Variants in DDHD1 observed in about 807,000 individuals in gnomAD.
DDHD1 encodes phospholipase DDHD1.
In DDHD1, 49 loss-of-function variants were observed where a neutral mutation model predicts 96.4. That is an observed-to-expected ratio of 0.51 (90% CI 0.40 to 0.64). The LOEUF (loss-of-function observed/expected upper bound fraction) is 0.64, where lower values mean the gene tolerates loss of function less well. DDHD1 is among the 30% of genes least tolerant of loss of function. The pLI, the probability that DDHD1 is intolerant of heterozygous loss-of-function variation, is 0.00. For synonymous variants in DDHD1, 442 were observed against 446.5 expected, an observed-to-expected ratio of 0.99 and a Z score of 0.13; for missense variants, 1,106 against 1,161.2, an observed-to-expected ratio of 0.95 and a Z score of 0.69.
At chr14:53,059,379 GAACT>G (rs1883338802) in intron 8 of DDHD1, among the ~76,000 whole-genome samples, 1 of 151,880 alleles carries the variant, frequency 6.6e-6, no homozygotes, top group Admixed American at 6.6e-5. Context: ...TGAGTAGCTG[GAACT>G]ACAGGCGCCC....
At chr14:53,141,543 A>C (rs2139884141) in intron 1 of DDHD1, among the ~76,000 whole-genome samples, 1 of 152,376 alleles carries the variant, frequency 6.6e-6, no homozygotes, top group South Asian at 2.1e-4. Context: ...AGTAACTGTT[A>C]CACTCAATTA....
intron 2 of DDHD1, among the ~76,000 whole-genome samples, chr14:53,101,797 A>G (rs529656826): frequency 5.6e-4 from 86 of 152,236 alleles, no homozygotes; most frequent in African/African-American, 2.0e-3. Context: ...AGGAAGCAGA[A>G]GTAAAAAGTA....
intron 1 of DDHD1, among the ~76,000 whole-genome samples, chr14:53,109,145 G>A (rs1887918982): frequency 6.6e-6 from 1 of 151,896 alleles, no homozygotes; most frequent in Non-Finnish European, 1.5e-5. Context: ...CATTTCTCTA[G>A]AAGCCTCAAT....
At chr14:53,066,330 T>G (rs1177905485) in intron 6 of DDHD1, among the ~76,000 whole-genome samples, 1 of 152,108 alleles carries the variant, frequency 6.6e-6, no homozygotes, top group Non-Finnish European at 1.5e-5. Context: ...TTTTGAATTT[T>G]TAGTAGAGAC....
intron 2 of DDHD1, chr14:53,103,242 G>T: frequency 2.1e-6 from 1 of 465,430 alleles, no homozygotes; most frequent in East Asian, 3.6e-5. Context: ...ACTTGATATG[G>T]TTTTCAATAG....
At chr14:53,118,931 C>T (rs1254007860) in intron 1 of DDHD1, among the ~76,000 whole-genome samples, 1 of 152,170 alleles carries the variant, frequency 6.6e-6, no homozygotes, top group African/African-American at 2.4e-5. Context: ...AGGTTACCCA[C>T]AAAGGAAAGC....
At chr14:53,127,090 T>TA (rs1889507330) in intron 1 of DDHD1, among the ~76,000 whole-genome samples, 4 of 152,140 alleles carry the variant, frequency 2.6e-5, no homozygotes, top group Admixed American at 2.6e-4. Flanking sequence ...TATGTTTTTT[T>TA]AAAAAAGCAG....
intron 1 of DDHD1, among the ~76,000 whole-genome samples, chr14:53,137,617 AAAAAT>A (rs1011953670): frequency 2.6e-5 from 4 of 152,258 alleles, no homozygotes; most frequent in African/African-American, 9.6e-5. Flanking sequence ...AAATAAAAAT[AAAAAT>A]AAAAGAAAAT....
intron 1 of DDHD1, among the ~76,000 whole-genome samples, chr14:53,146,848 C>T (rs568369617): frequency 9.9e-5 from 15 of 151,722 alleles, no homozygotes; most frequent in Non-Finnish European, 1.5e-5. Flanking sequence ...TTTCCTTGTT[C>T]TACTTTTTAA....
intron 2 of DDHD1, chr14:53,096,022 TA>T (rs914274641): frequency 3.0e-5 from 18 of 590,558 alleles, no homozygotes; most frequent in South Asian, 7.4e-5. Flanking sequence ...TGGACACATT[TA>T]AAAAAAACTA....
intron 1 of DDHD1, among the ~76,000 whole-genome samples, chr14:53,119,842 A>G (rs1284301334): frequency 6.6e-6 from 1 of 152,236 alleles, no homozygotes; most frequent in African/African-American, 2.4e-5. Flanking sequence ...CCCATAGCCA[A>G]TATCACACTG....
At chr14:53,138,672 A>T (rs540423933) in intron 1 of DDHD1, among the ~76,000 whole-genome samples, 2 of 152,274 alleles carry the variant, frequency 1.3e-5, no homozygotes, top group East Asian at 3.9e-4. Flanking sequence ...TTGCTTACTT[A>T]GGGGGAAGAC....
At chr14:53,148,296 G>A (rs937120384) in intron 1 of DDHD1, among the ~76,000 whole-genome samples, 4 of 151,966 alleles carry the variant, frequency 2.6e-5, no homozygotes, top group Non-Finnish European at 5.9e-5. Context: ...ACACATCACT[G>A]CCATTGGAAT....
rs771800541 is a variant in DDHD1 at position 53,055,690 on chromosome 14, T to C, written c.2215A>G (p.Ile739Val). 6 of 1,614,162 alleles carry C rather than the reference T, an allele frequency of 3.7e-6. No individual in the cohort carries two copies. The highest frequency in any genetic ancestry group is 1.7e-5 in the Admixed American group (1 of 60,026). ...ATGCTTGCTTTGCCTATATTTGTTA[T>C]AGATTCTCCATAGTGTCGGCGGGAC... ...VLSRRHYGES[I>V]TNIGKASILG... The change falls in exon 10 of 13, where the codon ATA (isoleucine) becomes GTA (valine). Residue 739 changes from isoleucine (I) to valine (V), a missense_variant. Physicochemically the swap from Ile to Val is conservative, Grantham distance 29. Coordinates refer to ENST00000673822, the MANE Select transcript of DDHD1 (RefSeq NM_001160148.2).
At chr14:53,068,810 C>T (rs1198987187) in intron 6 of DDHD1, among the ~76,000 whole-genome samples, 1 of 152,130 alleles carries the variant, frequency 6.6e-6, no homozygotes, top group Non-Finnish European at 1.5e-5. Flanking sequence ...TACTTTAAGA[C>T]CATGTAAATA....
intron 7 of DDHD1, 63 bp downstream of exon 7, chr14:53,062,880 G>GT: frequency 6.6e-7 from 1 of 1,523,730 alleles, no homozygotes; most frequent in African/African-American, 1.4e-5. Flanking sequence ...TAGTTTTCTC[G>GT]TAAGAGGTCC....
chr14:53,058,417 T>C (rs750417183), intron 9 of DDHD1, 60 bp downstream of exon 9: 136 of 1,547,918 alleles, frequency 8.8e-5, no homozygotes, highest in Non-Finnish European at 1.1e-4. Flanking sequence ...GCCCAGCTGA[T>C]AGATTCTTTT....
At chr14:53,069,895 T>C (rs988499425) in intron 6 of DDHD1, among the ~76,000 whole-genome samples, 4 of 152,200 alleles carry the variant, frequency 2.6e-5, no homozygotes, top group African/African-American at 9.6e-5. Flanking sequence ...ATGAAATTCA[T>C]CTGGATCAAA....
At chr14:53,152,175 G>A (rs1408550136) in intron 1 of DDHD1, 86 bp downstream of exon 1, 2 of 1,355,786 alleles carry the variant, frequency 1.5e-6, no homozygotes, top group Admixed American at 5.6e-5. Context: ...CTCCCTCTTC[G>A]CGGCGACCAG....
Sources: gnomAD v4.1 joint callset for allele counts (sites outside exome capture counted in the v4.1 genomes callset) on GRCh38, gnomAD v4.1.1 for gene constraint, MANE v1.5 for transcripts, NCBI Gene and HGNC (gene_info 2026-07-23, HGNC 2026-07-21) for gene names.